Variants in PCDHA12 observed in about 807,000 individuals in gnomAD.
PCDHA12 encodes the protein protocadherin alpha 12.
In PCDHA12, 44 loss-of-function variants were observed where a neutral mutation model predicts 60.0. That is an observed-to-expected ratio of 0.73 (90% CI 0.58 to 0.94). The LOEUF (loss-of-function observed/expected upper bound fraction) is 0.94, where lower values mean the gene tolerates loss of function less well. Ranked by LOEUF, PCDHA12 falls within the 40% of genes least tolerant of loss-of-function variation. The probability of loss-of-function intolerance (pLI) is 0.00; values close to 1 mark genes in which losing one functional copy is unlikely to be tolerated. For missense variants in PCDHA12, 1,276 were observed against 1,239.7 expected (o/e 1.03, Z -0.44); for synonymous variants, 569 against 553.0 (o/e 1.03, Z -0.40).
chr5:140,974,419 C>T (rs998974699), intron 1 of PCDHA12, among the ~76,000 whole-genome samples: 1 of 152,208 alleles, frequency 6.6e-6, no homozygotes, highest in African/African-American at 2.4e-5. Flanking sequence ...GTTTATTTTA[C>T]TTTCCTGGTT....
chr5:140,981,502 A>G (rs2096935392), intron 2 of PCDHA12, among the ~76,000 whole-genome samples: 2 of 152,218 alleles, frequency 1.3e-5, no homozygotes, highest in Non-Finnish European at 2.9e-5. Flanking sequence ...TGAACCTGGG[A>G]GGCAGAGGTT....
chr5:140,940,643 T>A (rs2092660320), intron 1 of PCDHA12, among the ~76,000 whole-genome samples: 1 of 152,226 alleles, frequency 6.6e-6, no homozygotes, highest in Non-Finnish European at 1.5e-5. Flanking sequence ...TGTCATTTAT[T>A]TATTTAAATA....
intron 1 of PCDHA12, among the ~76,000 whole-genome samples, chr5:140,914,094 T>A (rs563496078): frequency 6.9e-4 from 105 of 152,324 alleles, no homozygotes; most frequent in African/African-American, 2.5e-3. Context: ...GTCAATTTGT[T>A]CTATAGTGCA....
intron 1 of PCDHA12, among the ~76,000 whole-genome samples, chr5:140,941,438 C>G (rs1408570275): frequency 6.6e-6 from 1 of 150,766 alleles, no homozygotes; most frequent in East Asian, 1.9e-4. Flanking sequence ...GCCTCAGCCT[C>G]GGGAGTAGCT....
chr5:140,901,146 C>T (rs1463079898), intron 1 of PCDHA12, among the ~76,000 whole-genome samples: 1 of 152,062 alleles, frequency 6.6e-6, no homozygotes, highest in Admixed American at 6.6e-5. Context: ...AATATTTTCT[C>T]TCAATCTGTG....
chr5:140,920,722 C>T (rs2079784294), intron 1 of PCDHA12, among the ~76,000 whole-genome samples: 1 of 151,872 alleles, frequency 6.6e-6, no homozygotes, highest in Non-Finnish European at 1.5e-5. Context: ...TGTGCGCCTG[C>T]AGTCCCAGCT....
chr5:141,000,027 A>G (rs782393146), intron 3 of PCDHA12, among the ~76,000 whole-genome samples: 4 of 152,048 alleles, frequency 2.6e-5, no homozygotes, highest in Non-Finnish European at 5.9e-5. Flanking sequence ...TAAGCCTGAC[A>G]TCCAATCACA....
chr5:140,927,643 G>A lies in PCDHA12; in HGVS notation c.2367+49804G>A. On this transcript the variant is annotated intron_variant, in intron 1 of 3. Coordinates refer to ENST00000398631, the MANE Select transcript of PCDHA12 (RefSeq NM_018903.4). The stretch of plus-strand genomic sequence containing the variant: ...TCCAGAGACTGCACCCAATGGGACT[G>A]TGTTATTCCGAGTTCAAGCCTTGGA... The A allele has an allele frequency of 3.7e-6, 6 of 1,614,170 alleles. No homozygotes were observed. Among genetic ancestry groups the A allele is most frequent in the South Asian group, 1.1e-5 (1 of 91,088 alleles).
At chr5:140,880,687 C>G (rs999356626) in intron 1 of PCDHA12, among the ~76,000 whole-genome samples, 1 of 152,130 alleles carries the variant, frequency 6.6e-6, no homozygotes, top group Non-Finnish European at 1.5e-5. Context: ...AGAGAATAGT[C>G]ATGGTTAAGT....
chr5:140,966,800 G>T, intron 1 of PCDHA12: 1 of 1,540,654 alleles, frequency 6.5e-7, no homozygotes, highest in East Asian at 2.4e-5. Flanking sequence ...TGCGGCGACA[G>T]AGCATCCACG....
At chr5:140,909,170 G>A (rs1381735874) in intron 1 of PCDHA12, among the ~76,000 whole-genome samples, 1 of 152,188 alleles carries the variant, frequency 6.6e-6, no homozygotes, top group Non-Finnish European at 1.5e-5. Flanking sequence ...AATCAATCAA[G>A]TTCTCTCCAA....
rs2056573777 is a variant in PCDHA12, at chr5:140,876,770, C to T, written c.1298C>T (p.Pro433Leu). The T allele has an allele frequency of 6.2e-7, 1 of 1,614,248 alleles. No homozygotes were observed. The highest frequency in any genetic ancestry group is 8.5e-7 in the Non-Finnish European group (1 of 1,180,048). The stretch of plus-strand genomic sequence containing the variant: ...GTGACTGCGCGGGATGGGGGCTCGC[C>T]TTCGCTGTGGGCCACGGCTAGAGTG... ...LVVTARDGGS[P>L]SLWATARVSV... Residue 433 changes from proline to leucine, a missense_variant, in exon 1 of 4, where the codon CCT becomes CTT. Pro to Leu is a moderately conservative substitution (Grantham distance 98, BLOSUM62 -3). Coordinates refer to ENST00000398631, the MANE Select transcript of PCDHA12 (RefSeq NM_018903.4).
At chr5:140,986,081 A>AT (rs2097186605) in intron 3 of PCDHA12, among the ~76,000 whole-genome samples, 1 of 152,010 alleles carries the variant, frequency 6.6e-6, no homozygotes, top group South Asian at 2.1e-4. Context: ...CTGTTCATTT[A>AT]TTTTCACAGT....
intron 1 of PCDHA12, among the ~76,000 whole-genome samples, chr5:140,932,553 C>T (rs1288415511): frequency 6.6e-6 from 1 of 151,798 alleles, no homozygotes; most frequent in African/African-American, 2.4e-5. Context: ...AACATACATT[C>T]CACAAGTAGA....
intron 1 of PCDHA12, among the ~76,000 whole-genome samples, chr5:140,970,978 A>G (rs2096449048): frequency 1.3e-5 from 2 of 152,188 alleles, no homozygotes; most frequent in African/African-American, 4.8e-5. Flanking sequence ...ATTAAGAAAA[A>G]TGGGGGAATA....
At position 140,978,992 on chromosome 5, in the gene PCDHA12, G is replaced by T. The variant is rs1363421000; in HGVS notation, c.2411G>T (p.Arg804Ile). The change falls in exon 2 of 4, where the codon AGA (arginine) becomes ATA (isoleucine). Residue 804 changes from arginine to isoleucine, a missense_variant. Arg to Ile is a moderately conservative substitution (Grantham distance 97). Transcript: ENST00000398631. ...NPDWRYSASL[R>I]AGMHSSVHLE... Reference sequence around the variant, plus strand: ...GACTGGCGTTACTCTGCCTCCCTGAGAGCAGGCATGCACAGGTATGTATTT... The same window carrying T: ...GACTGGCGTTACTCTGCCTCCCTGATAGCAGGCATGCACAGGTATGTATTT... The T allele has an allele frequency of 8.1e-6, 13 of 1,614,060 alleles. No homozygotes were observed. Among genetic ancestry groups the T allele is most frequent in the Non-Finnish European group, 1.1e-5 (13 of 1,180,034 alleles).
Position 140,875,808 on chromosome 5 carries a change from G to A in PCDHA12, c.336G>A (p.Arg112=), listed in dbSNP as rs1554167962. 1 of 1,614,226 alleles carries A rather than the reference G, an allele frequency of 6.2e-7. No individual in the cohort carries two copies. The highest frequency in any genetic ancestry group is 1.1e-5 in the South Asian group (1 of 91,082). The change falls in exon 1 of 4, where the codon AGG becomes AGA. Residue 112 remains arginine (R), a synonymous_variant. Coordinates refer to ENST00000398631, the MANE Select transcript of PCDHA12 (RefSeq NM_018903.4). Reference sequence around the variant, plus strand: ...TCCACCTGGAGGTGATCGTGGACAGGCCGCTGCAGGTTTTCCATGTGGACG... The same window carrying A: ...TCCACCTGGAGGTGATCGTGGACAGACCGCTGCAGGTTTTCCATGTGGACG... ...CSIHLEVIVD[R]PLQVFHVDVE...
At chr5:140,892,707 G>A (rs958500270) in intron 1 of PCDHA12, among the ~76,000 whole-genome samples, 1 of 152,136 alleles carries the variant, frequency 6.6e-6, no homozygotes, top group African/African-American at 2.4e-5. Flanking sequence ...AGGGTAATTA[G>A]CATATTCATA....
chr5:140,910,371 A>G (rs2153514600), intron 1 of PCDHA12, among the ~76,000 whole-genome samples: 1 of 152,246 alleles, frequency 6.6e-6, no homozygotes, highest in South Asian at 2.1e-4. Flanking sequence ...AGCTATGCCC[A>G]CCTTGCCTTT....
Sources: gnomAD v4.1 joint callset for allele counts (sites outside exome capture counted in the v4.1 genomes callset) on GRCh38, gnomAD v4.1.1 for gene constraint, MANE v1.5 for transcripts, NCBI Gene and HGNC (gene_info 2026-07-23, HGNC 2026-07-21) for gene names.